Variants in NTF3 observed in about 807,000 individuals in gnomAD.
The protein encoded by NTF3 is neurotrophin-3.
In NTF3, 8 loss-of-function variants were observed where a neutral mutation model predicts 26.3. The ratio of observed to expected loss-of-function variants is 0.30; its 90% CI spans 0.18 to 0.55. The LOEUF (loss-of-function observed/expected upper bound fraction) is 0.55, where lower values mean the gene tolerates loss of function less well. Ranked by LOEUF, NTF3 falls within the 20% of genes least tolerant of loss-of-function variation. NTF3 has a pLI of 0.93. For synonymous variants in NTF3, 154 were observed against 145.5 expected, an observed-to-expected ratio of 1.06 and a Z score of -0.42; for missense variants, 276 against 352.9, an observed-to-expected ratio of 0.78 and a Z score of 1.75.
intron 1 of NTF3, among the ~76,000 whole-genome samples, chr12:5,489,971 C>T (rs1388396933): frequency 1.3e-5 from 2 of 152,128 alleles, no homozygotes; most frequent in South Asian, 4.1e-4. Flanking sequence ...GAGAAAACAC[C>T]ATATGTGGGA....
chr12:5,489,986 G>A (rs1340379036), intron 1 of NTF3, among the ~76,000 whole-genome samples: 2 of 152,330 alleles, frequency 1.3e-5, no homozygotes, highest in East Asian at 1.9e-4. Context: ...GTGGGAAAGC[G>A]TTTCTAAGTG....
rs1940349599 is a variant in NTF3, at chr12:5,449,675, C to G, written c.18+17333C>G. On this transcript the variant is annotated intron_variant, in intron 1 of 1. Transcript: ENST00000423158. Reference sequence around the variant, plus strand: ...CTTGCGGGAGTAAGAAAAGCGCTAACAAGCCATCCTCTTTGGTGTCAAGTG... The same window carrying G: ...CTTGCGGGAGTAAGAAAAGCGCTAAGAAGCCATCCTCTTTGGTGTCAAGTG... Among the ~76,000 whole-genome samples, 3 of 152,198 alleles carry G rather than the reference C, an allele frequency of 2.0e-5. No individual in the cohort carries two copies. In the South Asian group the frequency reaches 6.2e-4, roughly 31 times the overall value.
chr12:5,485,928 T>C (rs1411002016), intron 1 of NTF3, among the ~76,000 whole-genome samples: 1 of 152,144 alleles, frequency 6.6e-6, no homozygotes, highest in Non-Finnish European at 1.5e-5. Flanking sequence ...AAGAGCATGA[T>C]GGCGGCCACA....
At chr12:5,442,673 C>T (rs991511726) in intron 1 of NTF3, among the ~76,000 whole-genome samples, 4 of 152,084 alleles carry the variant, frequency 2.6e-5, no homozygotes, top group Non-Finnish European at 5.9e-5. Context: ...TTAATAGATC[C>T]GGACACCAGG....
In NTF3 at chr12:5,456,668, C is replaced by G. The variant is rs1437419028; in HGVS notation, c.18+24326C>G. Reference sequence around the variant, plus strand: ...TCGGGGTCAGAGCTCTGCTGAGGGTCTGGCTCTGGGAGGGGAGGTTTGTGT... The same window carrying G: ...TCGGGGTCAGAGCTCTGCTGAGGGTGTGGCTCTGGGAGGGGAGGTTTGTGT... On this transcript the variant is annotated intron_variant, in intron 1 of 1. Transcript: ENST00000423158. This position sits in a 1 kb window ranked among gnomAD's most constrained non-coding sequence, Gnocchi z 4.4. 1.3e-5 allele frequency among the ~76,000 whole-genome samples: 2 copies of G among 152,084 alleles called. No homozygotes were observed. Among genetic ancestry groups the G allele is most frequent in the African/African-American group, 2.4e-5 (1 of 41,428 alleles).
intron 1 of NTF3, among the ~76,000 whole-genome samples, chr12:5,442,472 T>A (rs1475947644): frequency 6.6e-6 from 1 of 152,098 alleles, no homozygotes; most frequent in East Asian, 1.9e-4. Flanking sequence ...CTCAGAAGTA[T>A]CCCTGCTCGT....
chr12:5,467,002 C>A (rs1051841535), intron 1 of NTF3, among the ~76,000 whole-genome samples: 1 of 151,910 alleles, frequency 6.6e-6, no homozygotes, highest in Non-Finnish European at 1.5e-5. Flanking sequence ...GAGGCCAGGG[C>A]GGTTGGATCA....
In NTF3 at chr12:5,494,874, C is replaced by T; in HGVS notation, c.699C>T (p.Ser233=). The part of the protein sequence containing the change: ...DKHWNSQCKT[S]QTYVRALTSE... ...ACTGGAACTCTCAGTGCAAAACATCCCAAACCTACGTCCGAGCACTGACTT... is the reference window on the plus strand; with the variant it reads ...ACTGGAACTCTCAGTGCAAAACATCTCAAACCTACGTCCGAGCACTGACTT... The change falls in exon 2 of 2, where the codon TCC becomes TCT. Residue 233 remains serine (S), a synonymous_variant. Coordinates refer to ENST00000423158, the MANE Select transcript of NTF3 (RefSeq NM_001102654.2). The surrounding 1 kb of genome is among the most constrained non-coding windows in gnomAD (Gnocchi z 8.3). 1 of 1,614,128 alleles carries T rather than the reference C, an allele frequency of 6.2e-7. No individual in the cohort carries two copies. Among genetic ancestry groups the T allele is most frequent in the Non-Finnish European group, 8.5e-7 (1 of 1,180,030 alleles).
At chr12:5,447,530 A>C (rs990076638) in intron 1 of NTF3, among the ~76,000 whole-genome samples, 1 of 152,224 alleles carries the variant, frequency 6.6e-6, no homozygotes, top group East Asian at 1.9e-4. Flanking sequence ...TATTTCTGTC[A>C]ATCACTGTAC....
intron 1 of NTF3, among the ~76,000 whole-genome samples, chr12:5,485,663 G>T (rs1357301230): frequency 6.6e-6 from 1 of 152,208 alleles, no homozygotes; most frequent in African/African-American, 2.4e-5. Context: ...GAGTGTTTGT[G>T]CCAAAATTGC....
At chr12:5,482,911 T>C (rs1940825158) in intron 1 of NTF3, among the ~76,000 whole-genome samples, 1 of 151,734 alleles carries the variant, frequency 6.6e-6, no homozygotes, top group African/African-American at 2.4e-5. Context: ...TCTTTCTGCA[T>C]CTCTGTTTCT....
chr12:5,436,986 G>A (rs1042587729), intron 1 of NTF3, among the ~76,000 whole-genome samples: 3 of 152,194 alleles, frequency 2.0e-5, no homozygotes, highest in African/African-American at 7.2e-5. Context: ...AATTGCCCTT[G>A]ACATAGGCAC....
intron 1 of NTF3, among the ~76,000 whole-genome samples, chr12:5,466,828 G>A (rs1312346888): frequency 6.6e-6 from 1 of 152,218 alleles, no homozygotes; most frequent in East Asian, 1.9e-4. Flanking sequence ...GAGACTGACT[G>A]TCAAATCTGA....
intron 1 of NTF3, among the ~76,000 whole-genome samples, chr12:5,471,314 G>T (rs563620581): frequency 6.6e-6 from 1 of 152,240 alleles, no homozygotes; most frequent in South Asian, 2.1e-4. Context: ...TCCTTGTCGG[G>T]CTTTAGTTCC....
intron 1 of NTF3, among the ~76,000 whole-genome samples, chr12:5,473,176 A>T (rs1940685759): frequency 6.6e-6 from 1 of 152,142 alleles, no homozygotes; most frequent in South Asian, 2.1e-4. Flanking sequence ...CTCTTTTCTC[A>T]TTGGCTTTTG....
In NTF3 at chr12:5,432,272, G is replaced by T. The variant is rs765958708; in HGVS notation, c.-53G>T. On this transcript the variant is annotated 5_prime_UTR_variant, in exon 1 of 2. Transcript: ENST00000423158. ...GGGGAGACTTTGAATGACCGAGCTC[G>T]CGTCCACCTTTCTCTTCATGTCGAC... The T allele has an allele frequency of 1.8e-5, 29 of 1,608,630 alleles. No individual in the cohort carries two copies. The highest frequency in any genetic ancestry group is 2.5e-5 in the Non-Finnish European group (29 of 1,175,790).
intron 1 of NTF3, among the ~76,000 whole-genome samples, chr12:5,465,440 G>C (rs1179117645): frequency 3.3e-5 from 5 of 152,232 alleles, no homozygotes; most frequent in Non-Finnish European, 7.3e-5. Flanking sequence ...GTGTAGCAGA[G>C]AGAAGGTAGT....
At chr12:5,480,166 G>A (rs1279787887) in intron 1 of NTF3, among the ~76,000 whole-genome samples, 2 of 152,156 alleles carry the variant, frequency 1.3e-5, no homozygotes, top group African/African-American at 4.8e-5. Context: ...TGCTCTGTAT[G>A]GTTTTCCAGC....
At chr12:5,484,748 T>C (rs1215140484) in intron 1 of NTF3, among the ~76,000 whole-genome samples, 1 of 152,154 alleles carries the variant, frequency 6.6e-6, no homozygotes, top group Admixed American at 6.5e-5. Flanking sequence ...GGGGCCTGCG[T>C]TGCATGCGTG....
Sources: allele counts gnomAD v4.1 joint callset (sites outside exome capture counted in the v4.1 genomes callset), GRCh38; gene constraint gnomAD v4.1.1; non-coding constraint Gnocchi (gnomAD v3.1); transcripts MANE v1.5; gene names NCBI Gene and HGNC (gene_info 2026-07-23, HGNC 2026-07-21).